Variants in ZFYVE28 observed in about 807,000 individuals in gnomAD.
ZFYVE28 encodes the protein zinc finger FYVE-type containing 28.
ZFYVE28 carries 40 observed loss-of-function variants against 82.1 expected under a neutral mutation model. That is an observed-to-expected ratio of 0.49 (90% CI 0.38 to 0.63). ZFYVE28 has a LOEUF of 0.63. Among genes scored for constraint, ZFYVE28 ranks in the 30% least tolerant of loss-of-function variants. The pLI, the probability that ZFYVE28 is intolerant of heterozygous loss-of-function variation, is 0.00. For synonymous variants in ZFYVE28, 612 were observed against 546.1 expected, an observed-to-expected ratio of 1.12 and a Z score of -1.68; for missense variants, 1,321 against 1,242.1, an observed-to-expected ratio of 1.06 and a Z score of -0.96.
In ZFYVE28 at chr4:2,271,444, C is replaced by T. The variant is rs756634273; in HGVS notation, c.2429-30G>A. The stretch of plus-strand genomic sequence containing the variant: ...CACAACAACAGCAGCGTCACATCAG[C>T]GACGGCAGGAGCAGGTGGGCTGGGC... On this transcript the variant is annotated intron_variant, in intron 11 of 12. Coordinates refer to ENST00000290974, the MANE Select transcript of ZFYVE28 (RefSeq NM_020972.3). The T allele has an allele frequency of 1.8e-5, 29 of 1,604,542 alleles. No individual in the cohort carries two copies. The East Asian group carries it at 4.0e-4, about 22-fold the overall frequency.
chr4:2,273,783 G>A (rs1358269505), intron 9 of ZFYVE28, among the ~76,000 whole-genome samples: 6 of 152,184 alleles, frequency 3.9e-5, no homozygotes, highest in Non-Finnish European at 8.8e-5. Context: ...CAGAGGTGAT[G>A]CCTAGCGCCT....
chr4:2,280,416 G>T (rs1410239491), intron 8 of ZFYVE28, among the ~76,000 whole-genome samples: 1 of 152,170 alleles, frequency 6.6e-6, no homozygotes, highest in Non-Finnish European at 1.5e-5. Context: ...GCTGAGGTGG[G>T]AGGATCGCTT....
chr4:2,352,374 T>C (rs990609073), intron 2 of ZFYVE28, among the ~76,000 whole-genome samples: 2 of 147,950 alleles, frequency 1.4e-5, no homozygotes, highest in African/African-American at 5.0e-5. Flanking sequence ...GGGACCCACA[T>C]GGAGGAGGCT....
chr4:2,338,024 G>C (rs1722131982), intron 4 of ZFYVE28, among the ~76,000 whole-genome samples: 1 of 152,210 alleles, frequency 6.6e-6, no homozygotes, highest in Non-Finnish European at 1.5e-5. Context: ...TCACCCTGGA[G>C]CCTGACCACC....
At chr4:2,319,960 A>C (rs1718819511) in intron 7 of ZFYVE28, among the ~76,000 whole-genome samples, 1 of 152,018 alleles carries the variant, frequency 6.6e-6, no homozygotes, top group Admixed American at 6.5e-5. Context: ...GAGAGCGCCC[A>C]CCCCATGCGA....
intron 8 of ZFYVE28, among the ~76,000 whole-genome samples, chr4:2,277,524 T>C (rs890026930): frequency 6.6e-6 from 1 of 152,016 alleles, no homozygotes; most frequent in African/African-American, 2.4e-5. Flanking sequence ...AAAAGATCAT[T>C]TGTGTTTAGA....
chr4:2,297,943 C>T (rs112945125), intron 8 of ZFYVE28, among the ~76,000 whole-genome samples: 6,397 of 123,128 alleles, frequency 0.052, 472 homozygotes, highest in African/African-American at 0.18. Flanking sequence ...CAGCAGAGGA[C>T]GAGCAGTGAC....
intron 8 of ZFYVE28, among the ~76,000 whole-genome samples, chr4:2,277,553 A>G (rs778342977): frequency 9.2e-5 from 14 of 152,196 alleles, no homozygotes; most frequent in Non-Finnish European, 2.1e-4. Context: ...CAATAAACTG[A>G]AAGTGAAATG....
At chr4:2,360,426 C>CACAG (rs1491460973) in intron 1 of ZFYVE28, among the ~76,000 whole-genome samples, 22 of 151,134 alleles carry the variant, frequency 1.5e-4, no homozygotes, top group African/African-American at 4.4e-4. Flanking sequence ...CACACACACA[C>CACAG]AGGCACGCAC....
At position 2,339,233 on chromosome 4, in the gene ZFYVE28, C is replaced by T. The variant is rs1363928007; in HGVS notation, c.521+220G>A. 6.6e-6 allele frequency among the ~76,000 whole-genome samples: 1 copy of T among 152,102 alleles called. No homozygotes were observed. Among genetic ancestry groups the T allele is most frequent in the African/African-American group, 2.4e-5 (1 of 41,344 alleles). ...GAGGCCCACGGCGGCCAGATCCACA[C>T]CTGTGTCCTCTGTGCTCACCCCACT... On this transcript the variant is annotated intron_variant, in intron 4 of 12. Coordinates refer to ENST00000290974, the MANE Select transcript of ZFYVE28 (RefSeq NM_020972.3). This position sits in a 1 kb window ranked among gnomAD's most constrained non-coding sequence, Gnocchi z 5.0.
At chr4:2,400,066 T>C (rs946924134) in intron 1 of ZFYVE28, among the ~76,000 whole-genome samples, 4 of 152,196 alleles carry the variant, frequency 2.6e-5, no homozygotes, top group African/African-American at 9.7e-5. Context: ...GGAGGGTCCT[T>C]CCCCGGAGCT....
At chr4:2,392,098 G>A (rs989941485) in intron 1 of ZFYVE28, among the ~76,000 whole-genome samples, 39 of 151,126 alleles carry the variant, frequency 2.6e-4, no homozygotes, top group Admixed American at 6.6e-5. Flanking sequence ...AGGTTGCAGT[G>A]AGCCGAGATT....
chr4:2,401,542 CAG>C (rs1731177639), intron 1 of ZFYVE28, among the ~76,000 whole-genome samples: 3 of 152,168 alleles, frequency 2.0e-5, no homozygotes, highest in African/African-American at 4.8e-5. Flanking sequence ...TGCCCCACCC[CAG>C]GCCCTCCCCC....
At chr4:2,317,640 GT>G (rs796422963) in intron 7 of ZFYVE28, among the ~76,000 whole-genome samples, 4 of 148,588 alleles carry the variant, frequency 2.7e-5, no homozygotes, top group Non-Finnish European at 3.0e-5. Context: ...TTGTTTGATT[GT>G]TTTTTTTTTG....
At chr4:2,374,580 C>A (rs1215808412) in intron 1 of ZFYVE28, among the ~76,000 whole-genome samples, 1 of 152,132 alleles carries the variant, frequency 6.6e-6, no homozygotes, top group African/African-American at 2.4e-5. Context: ...CGCCACTGCA[C>A]TCCAGCCTGG....
intron 7 of ZFYVE28, among the ~76,000 whole-genome samples, chr4:2,310,879 T>C (rs1014143682): frequency 6.6e-6 from 1 of 152,228 alleles, no homozygotes; most frequent in Non-Finnish European, 1.5e-5. Flanking sequence ...GTGTTATTTC[T>C]TCTTTAAATG....
At chr4:2,330,480 C>G (rs1369578378) in intron 6 of ZFYVE28, 1 of 1,083,326 alleles carries the variant, frequency 9.2e-7, no homozygotes, top group East Asian at 8.3e-5. Context: ...GAGGGGACAG[C>G]ATGGAGGAGG....
intron 8 of ZFYVE28, among the ~76,000 whole-genome samples, chr4:2,291,797 C>A (rs1212857219): frequency 2.6e-5 from 4 of 152,234 alleles, no homozygotes; most frequent in African/African-American, 9.6e-5. Context: ...AGGACATGAA[C>A]CCTGCCTGGG....
At chr4:2,360,062 T>C (rs1336906863) in intron 1 of ZFYVE28, among the ~76,000 whole-genome samples, 1 of 151,772 alleles carries the variant, frequency 6.6e-6, no homozygotes, top group Non-Finnish European at 1.5e-5. Context: ...TGGTTCTCTG[T>C]GATTTGAGGA....
Sources: gnomAD v4.1 joint callset for allele counts (sites outside exome capture counted in the v4.1 genomes callset) on GRCh38, gnomAD v4.1.1 for gene constraint, Gnocchi (gnomAD v3.1) non-coding constraint, MANE v1.5 for transcripts, NCBI Gene and HGNC (gene_info 2026-07-23, HGNC 2026-07-21) for gene names.